The following HTATSF1 variants were observed in gnomAD, a reference collection of about 807,000 sequenced individuals.
The protein encoded by HTATSF1 is 17S U2 SnRNP complex component HTATSF1.
Under a neutral mutation model 46.1 loss-of-function variants are expected in HTATSF1, and 6 were observed. The observed-to-expected ratio is 0.13, with a 90% CI of 0.07 to 0.26. The LOEUF (loss-of-function observed/expected upper bound fraction) is 0.26. HTATSF1 is among the 10% of genes least tolerant of loss of function. The pLI, the probability that HTATSF1 is intolerant of heterozygous loss-of-function variation, is 1.00. For synonymous variants in HTATSF1, 226 were observed against 211.5 expected (o/e 1.07, Z -0.60); for missense variants, 452 against 559.9 (o/e 0.81, Z 1.94).
rs764533965 is a variant in HTATSF1 at position 136,511,722 on chromosome X, T to A, written c.1977T>A (p.Ala659=). 2 of 1,211,597 alleles carry A rather than the reference T, an allele frequency of 1.7e-6. No individual in the cohort carries two copies. Among genetic ancestry groups the A allele is most frequent in the South Asian group, 3.5e-5 (2 of 56,985 alleles). The change falls in exon 9 of 9, where the codon GCT becomes GCA. Residue 659 remains alanine (A), a synonymous_variant. Coordinates refer to ENST00000218364, the MANE Select transcript of HTATSF1 (RefSeq NM_014500.5). Reference sequence around the variant, plus strand: ...CAGATGAAAAGGGGCTTGAAGCTGCTGATAAAAAGGCGGAAGAAGGTGATG... The same window carrying A: ...CAGATGAAAAGGGGCTTGAAGCTGCAGATAAAAAGGCGGAAGAAGGTGATG... The part of the protein sequence containing the change: ...EYADEKGLEA[A]DKKAEEGDAD...
In HTATSF1 at chrX:136,512,103, A is replaced by G. The variant is rs1255619438; in HGVS notation, c.*90A>G. On this transcript the variant is annotated 3_prime_UTR_variant, in exon 9 of 9. Coordinates refer to ENST00000218364, the MANE Select transcript of HTATSF1 (RefSeq NM_014500.5). ...CTAGTAGTGTTACATGAACATGTGC[A>G]TAGTGGTAGGATGCCATCAGATTAA... 3 of 956,913 alleles carry G rather than the reference A, an allele frequency of 3.1e-6. No homozygotes were observed. Among genetic ancestry groups the G allele is most frequent in the Admixed American group, 3.1e-5 (1 of 32,663 alleles). The allele number at this position is 956,913 out of a possible 1,213,427, so 78.9% of individuals were successfully genotyped here.
intron 5 of HTATSF1, 73 bp from the exon 6 acceptor site, chrX:136,504,291 A>G (rs2075732341): frequency 1.5e-6 from 1 of 680,197 alleles, no homozygotes; most frequent in Non-Finnish European, 2.3e-6. Flanking sequence ...TTGTATGAAC[A>G]ACTCATTCTT....
At chrX:136,498,585 G>A (rs1052293789) in intron 1 of HTATSF1, among the ~76,000 whole-genome samples, 1 of 112,519 alleles carries the variant, frequency 8.9e-6, no homozygotes, top group African/African-American at 3.2e-5. Flanking sequence ...CACACAAATT[G>A]ACTTGCAAGT....
At chrX:136,499,131 G>A (rs2075705682) in intron 1 of HTATSF1, among the ~76,000 whole-genome samples, 1 of 112,750 alleles carries the variant, frequency 8.9e-6, no homozygotes, top group African/African-American at 3.2e-5. Context: ...TCTGCATACA[G>A]ATATTTAAGT....
intron 7 of HTATSF1, 37 bp from the exon 8 acceptor site, chrX:136,510,045 A>G: frequency 8.6e-7 from 1 of 1,162,002 alleles, no homozygotes; most frequent in Non-Finnish European, 1.2e-6. Flanking sequence ...TTTTAATCTT[A>G]TCATTCATTC....
Position 136,506,997 on chromosome X carries a change from T to G in HTATSF1, c.835-2094T>G, listed in dbSNP as rs749075770. Among the ~76,000 whole-genome samples the G allele has an allele frequency of 7.1e-5, 8 of 112,588 alleles. No homozygotes were observed. The South Asian group carries it at 1.8e-3, about 26-fold the overall frequency. ...ATAATGCAGATATACAACATTTTCA[T>G]TATCACAGAACCTTCTATTGGACAA... is the stretch of plus-strand genomic sequence containing the variant. On this transcript the variant is annotated intron_variant, in intron 6 of 8. Transcript: ENST00000218364.
At chrX:136,503,765 A>G (rs944146925) in intron 5 of HTATSF1, among the ~76,000 whole-genome samples, 1 of 112,240 alleles carries the variant, frequency 8.9e-6, no homozygotes, top group Non-Finnish European at 1.9e-5. Flanking sequence ...AGATTTTTCA[A>G]GGGTCTCATT....
In HTATSF1 at chrX:136,499,747, A is replaced by C; in HGVS notation, c.336A>C (p.Arg112Ser). 8.5e-7 allele frequency: 1 copy of C among 1,181,233 alleles called. No homozygotes were observed. Among genetic ancestry groups the C allele is most frequent in the South Asian group, 1.9e-5 (1 of 51,345 alleles). Residue 112 changes from arginine (R) to serine (S), a missense_variant, in exon 2 of 9, where the codon AGA becomes AGC. Transcript: ENST00000218364. ...AAGCCCCGGAACCCACTGATGCCAG[A>C]AAGAAGGGAGAAAAAAGAAAGGCTG... ...QEKAPEPTDA[R>S]KKGEKRKAES...
chrX:136,497,265 G>A (rs1412055345), upstream of HTATSF1: 1 of 113,083 alleles, frequency 8.8e-6, no homozygotes, highest in African/African-American at 3.2e-5. Context: ...AATGGCGGCT[G>A]CGTCGGCCTG....
intron 6 of HTATSF1, among the ~76,000 whole-genome samples, chrX:136,505,923 T>C (rs2075740173): frequency 1.8e-5 from 2 of 112,574 alleles, no homozygotes; most frequent in South Asian, 7.3e-4. Flanking sequence ...TATTACATTT[T>C]ATCCCCCTGC....
chrX:136,497,598 C>T lies in HTATSF1; in HGVS notation c.-87C>T. ...GGGGCGGCGGGGCGCGAGCAGAGCG[C>T]GGTTGACCTCCCTTTCTCTGCTCAG... On this transcript the variant is annotated 5_prime_UTR_variant, in exon 1 of 9. Coordinates refer to ENST00000218364, the MANE Select transcript of HTATSF1 (RefSeq NM_014500.5). 3.7e-6 allele frequency: 3 copies of T among 808,415 alleles called. No homozygotes were observed. Among genetic ancestry groups the T allele is most frequent in the Non-Finnish European group, 3.4e-6 (2 of 587,861 alleles). The allele number at this position is 808,415 out of a possible 1,213,427, so 66.6% of individuals were successfully genotyped here.
chrX:136,506,684 C>T (rs1188329615), intron 6 of HTATSF1, among the ~76,000 whole-genome samples: 1 of 112,406 alleles, frequency 8.9e-6, no homozygotes, highest in Non-Finnish European at 1.9e-5. Context: ...TTGTCTTGGC[C>T]GTGGCGGAAT....
At chrX:136,500,632 A>G in intron 3 of HTATSF1, 32 bp from the exon 4 acceptor site, 1 of 965,974 alleles carries the variant, frequency 1.0e-6, no homozygotes. Flanking sequence ...ATTATCAATT[A>G]TAAATGTTTT....
chrX:136,510,571 A>T (rs1452363353), intron 8 of HTATSF1, among the ~76,000 whole-genome samples: 2 of 112,384 alleles, frequency 1.8e-5, no homozygotes, highest in Non-Finnish European at 3.8e-5. Flanking sequence ...TTAACTTTTT[A>T]AGAGATGAGA....
chrX:136,511,561 G>A lies in HTATSF1; in HGVS notation c.1816G>A (p.Gly606Ser), dbSNP rs748112002. ...DSENSEFEDDGSEKVLDEEGS... is the reference protein window; with the variant it reads ...DSENSEFEDDSSEKVLDEEGS... ...TGAAAACTCCGAATTTGAAGATGAC[G>A]GCTCTGAAAAAGTGTTAGATGAGGA... The change falls in exon 9 of 9, where the codon GGC becomes AGC. Residue 606 changes from glycine (G) to serine (S), a missense_variant. This residue lies in a region of HTATSF1 where 246 missense variants were observed against 245.3 expected (regional missense o/e 1.00). Coordinates refer to ENST00000218364, the MANE Select transcript of HTATSF1 (RefSeq NM_014500.5). 3 of 1,210,967 alleles carry A rather than the reference G, an allele frequency of 2.5e-6. No individual in the cohort carries two copies. Among genetic ancestry groups the A allele is most frequent in the Admixed American group, 2.2e-5 (1 of 45,955 alleles).
At chrX:136,506,284 C>T (rs2075741673) in intron 6 of HTATSF1, among the ~76,000 whole-genome samples, 1 of 111,636 alleles carries the variant, frequency 9.0e-6, no homozygotes, top group African/African-American at 3.3e-5. Context: ...TTGCAAATTC[C>T]TGATTTTTTT....
intron 4 of HTATSF1, among the ~76,000 whole-genome samples, chrX:136,502,195 C>A (rs1012995308): frequency 8.9e-6 from 1 of 111,912 alleles, no homozygotes; most frequent in Non-Finnish European, 1.9e-5. Flanking sequence ...TTGTCTTCTA[C>A]TTCTCAGTGT....
At chrX:136,498,668 C>T (rs1290149807) in intron 1 of HTATSF1, among the ~76,000 whole-genome samples, 2 of 112,119 alleles carry the variant, frequency 1.8e-5, no homozygotes, top group Non-Finnish European at 3.8e-5. Flanking sequence ...CTTTTCTTTC[C>T]CATTCTGTAT....
rs141557708 is a variant in HTATSF1, at chrX:136,505,871, A to G, written c.834+1408A>G. 8.0e-5 allele frequency among the ~76,000 whole-genome samples: 9 copies of G among 112,441 alleles called. No individual in the cohort carries two copies. The East Asian group carries it at 1.7e-3, about 21-fold the overall frequency. ...AAAATAAATGCACAGATTGATCACA[A>G]TATTTAGTCTGCTAAATACAACTCC... On this transcript the variant is annotated intron_variant, in intron 6 of 8. Coordinates refer to ENST00000218364, the MANE Select transcript of HTATSF1 (RefSeq NM_014500.5).
Sources: allele counts gnomAD v4.1 joint callset (sites outside exome capture counted in the v4.1 genomes callset), GRCh38; gene constraint gnomAD v4.1.1; regional missense constraint gnomAD v4.1.1; transcripts MANE v1.5; gene names NCBI Gene and HGNC (gene_info 2026-07-23, HGNC 2026-07-21).